The following CGA variants were observed in gnomAD, a reference collection of about 807,000 sequenced individuals.
CGA encodes the protein glycoprotein hormones, alpha polypeptide.
A neutral mutation model predicts 12.0 loss-of-function variants in CGA; 4 were observed. The observed-to-expected ratio is 0.33, with a 90% CI of 0.16 to 0.76. CGA has a LOEUF of 0.76. Ranked by LOEUF, CGA falls within the 30% of genes least tolerant of loss-of-function variation. The probability of loss-of-function intolerance (pLI) is 0.60; values close to 1 mark genes in which losing one functional copy is unlikely to be tolerated. For missense variants in CGA, 102 were observed against 143.5 expected (o/e 0.71, Z 1.48); for synonymous variants, 60 against 56.6 (o/e 1.06, Z -0.27).
chr6:87,094,813 TTAGA>T (rs1769507335), intron 1 of CGA, 196 bp downstream of exon 1: 1 of 152,174 alleles, frequency 6.6e-6, no homozygotes, highest in South Asian at 2.1e-4. Flanking sequence ...CTGGCTTCTG[TTAGA>T]TAACATCTTA....
In CGA at chr6:87,086,244, T is replaced by G. The variant is rs1482517604; in HGVS notation, c.273+6A>C. 8.1e-6 allele frequency: 13 copies of G among 1,607,530 alleles called. No homozygotes were observed. The highest frequency in any genetic ancestry group is 1.0e-5 in the Non-Finnish European group (12 of 1,177,382). ...AGAAAGCTTCTGGGGATCTTGAGGT[T>G]CTTACCCTGTTATATGATTTAGCTA... On this transcript the variant is annotated splice_donor_region_variant and intron_variant, in intron 3 of 3. Transcript: ENST00000627148.
intron 1 of CGA, among the ~76,000 whole-genome samples, chr6:87,089,960 T>C (rs1367419123): frequency 6.6e-6 from 1 of 152,188 alleles, no homozygotes; most frequent in Non-Finnish European, 1.5e-5. Context: ...CCCCAAGATA[T>C]CTCACTATGT....
chr6:87,091,909 C>A (rs984788231), intron 1 of CGA, among the ~76,000 whole-genome samples: 2 of 152,136 alleles, frequency 1.3e-5, no homozygotes, highest in Admixed American at 6.5e-5. Context: ...AACTTTCTTT[C>A]TTTTTATTTA....
At chr6:87,092,741 T>A (rs1769463895) in intron 1 of CGA, among the ~76,000 whole-genome samples, 1 of 132,384 alleles carries the variant, frequency 7.6e-6, no homozygotes, top group Non-Finnish European at 1.6e-5. Flanking sequence ...GCATTAGCTT[T>A]CTTTTTTTTT....
chr6:87,086,078 C>T, intron 3 of CGA, 172 bp downstream of exon 3: 1 of 678,084 alleles, frequency 1.5e-6, no homozygotes, highest in Middle Eastern at 3.0e-4. Flanking sequence ...TCTATACCCA[C>T]AAGACAATTG....
intron 1 of CGA, among the ~76,000 whole-genome samples, chr6:87,089,735 G>A (rs1193601353): frequency 6.6e-6 from 1 of 152,128 alleles, no homozygotes; most frequent in Non-Finnish European, 1.5e-5. Context: ...TATAACACAT[G>A]TTGAGTATAT....
At chr6:87,090,696 C>T (rs965705342) in intron 1 of CGA, among the ~76,000 whole-genome samples, 2 of 145,324 alleles carry the variant, frequency 1.4e-5, no homozygotes, top group Admixed American at 1.4e-4. Context: ...GGAATGCAGT[C>T]ATGCAGTCTT....
At chr6:87,093,171 G>T (rs945409439) in intron 1 of CGA, among the ~76,000 whole-genome samples, 2 of 152,184 alleles carry the variant, frequency 1.3e-5, no homozygotes, top group Admixed American at 6.5e-5. Context: ...TAAAAGATTT[G>T]CCAAAGTTGC....
chr6:87,093,011 T>C (rs1769469345), intron 1 of CGA, among the ~76,000 whole-genome samples: 1 of 152,148 alleles, frequency 6.6e-6, no homozygotes, highest in Non-Finnish European at 1.5e-5. Flanking sequence ...ACTCCTGGGC[T>C]CAAGTGATAT....
intron 1 of CGA, among the ~76,000 whole-genome samples, chr6:87,093,482 T>G (rs971371153): frequency 7.2e-5 from 11 of 152,204 alleles, no homozygotes; most frequent in Non-Finnish European, 1.2e-4. Flanking sequence ...TGCTGTAACA[T>G]TATATGCCAA....
chr6:87,087,050 G>A (rs564470118), intron 2 of CGA, among the ~76,000 whole-genome samples: 1 of 152,342 alleles, frequency 6.6e-6, no homozygotes, highest in Admixed American at 6.5e-5. Flanking sequence ...TTGCACTCCA[G>A]CCTGGGTGAT....
intron 1 of CGA, among the ~76,000 whole-genome samples, chr6:87,090,637 A>ATTTTTTTTTTTTTTTTTTTTTTTTTTTTT (rs147883019): frequency 8.0e-6 from 1 of 124,836 alleles, no homozygotes; most frequent in Non-Finnish European, 1.7e-5. Context: ...CTCTTCAATA[A>ATTTTTTTTTTTTTTTTTTTTTTTTTTTTT]TTTTTTTTTT....
In CGA at chr6:87,086,107, T is replaced by A. The variant is rs1180997484; in HGVS notation, c.273+143A>T. The A allele has an allele frequency of 1.4e-5, 10 of 739,652 alleles. No individual in the cohort carries two copies. The Admixed American group carries it at 2.7e-4, about 20-fold the overall frequency. The allele number at this position is 739,652 out of a possible 1,614,324, so 45.8% of individuals were successfully genotyped here. A position where few individuals can be genotyped will look rare whatever the true frequency, so the allele number is the denominator to read the frequency against. Reference sequence around the variant, plus strand: ...ACAATTGACTCTTTTAATTAATGGGTAGAAATGTATTCCCCACCTGTACAA... The same window carrying A: ...ACAATTGACTCTTTTAATTAATGGGAAGAAATGTATTCCCCACCTGTACAA... On this transcript the variant is annotated intron_variant, in intron 3 of 3. Coordinates refer to ENST00000627148, the MANE Select transcript of CGA (RefSeq NM_000735.4).
intron 1 of CGA, among the ~76,000 whole-genome samples, chr6:87,088,657 CATT>C (rs1769374327): frequency 6.6e-6 from 1 of 151,930 alleles, no homozygotes; most frequent in Non-Finnish European, 1.5e-5. Flanking sequence ...AAGTATTCAA[CATT>C]ATCAGCCATT....
intron 1 of CGA, among the ~76,000 whole-genome samples, chr6:87,094,516 C>G (rs1430807818): frequency 6.6e-6 from 1 of 152,160 alleles, no homozygotes; most frequent in Non-Finnish European, 1.5e-5. Context: ...TCAAGAAATT[C>G]CATGCTACTA....
At chr6:87,090,425 G>C (rs763831246) in intron 1 of CGA, among the ~76,000 whole-genome samples, 63 of 152,086 alleles carry the variant, frequency 4.1e-4, no homozygotes, top group Non-Finnish European at 7.4e-4. Flanking sequence ...GCCAGACGAT[G>C]AAGAGTTTTG....
chr6:87,086,829 G>C (rs2127754108), intron 2 of CGA, among the ~76,000 whole-genome samples: 1 of 152,144 alleles, frequency 6.6e-6, no homozygotes, highest in Non-Finnish European at 1.5e-5. Context: ...TGTAATCCGA[G>C]CACTTTGGGA....
intron 2 of CGA, 115 bp from the exon 3 acceptor site, chr6:87,086,549 G>A: frequency 2.1e-6 from 2 of 956,210 alleles, no homozygotes; most frequent in Non-Finnish European, 3.1e-6. Context: ...GGCCTTAGTG[G>A]GTGGATTGCT....
At chr6:87,091,938 G>A (rs1262491792) in intron 1 of CGA, among the ~76,000 whole-genome samples, 1 of 152,124 alleles carries the variant, frequency 6.6e-6, no homozygotes, top group Non-Finnish European at 1.5e-5. Flanking sequence ...ATGGGATCTC[G>A]AGAGGTGGAA....
Sources: allele counts gnomAD v4.1 joint callset (sites outside exome capture counted in the v4.1 genomes callset), GRCh38; gene constraint gnomAD v4.1.1; transcripts MANE v1.5; gene names NCBI Gene and HGNC (gene_info 2026-07-23, HGNC 2026-07-21).